KIAA0319: variants seen among roughly 807,000 people sequenced by gnomAD.
KIAA0319 encodes the protein dyslexia-associated protein KIAA0319.
KIAA0319 carries 83 observed loss-of-function variants against 108.4 expected under a neutral mutation model. The observed-to-expected ratio is 0.77, with a 90% confidence interval of 0.64 to 0.92. KIAA0319 has a LOEUF of 0.92. Ranked by LOEUF, KIAA0319 falls within the 40% of genes least tolerant of loss-of-function variation. The pLI is 0.00. For missense variants in KIAA0319, 1,195 were observed against 1,322.4 expected (o/e 0.90, Z 1.49); for synonymous variants, 484 against 510.4 (o/e 0.95, Z 0.70).
At chr6:24,636,608 T>C (rs2127594020) in intron 1 of KIAA0319, among the ~76,000 whole-genome samples, 1 of 152,212 alleles carries the variant, frequency 6.6e-6, no homozygotes, top group South Asian at 2.1e-4. Context: ...AAATCACTGA[T>C]ACTTTACAAA....
intron 16 of KIAA0319, 79 bp from the exon 17 acceptor site, chr6:24,559,234 C>G: frequency 6.7e-7 from 1 of 1,499,762 alleles, no homozygotes; most frequent in South Asian, 1.2e-5. Context: ...AGCATCTGAC[C>G]TGTGAAACTG....
chr6:24,610,196 G>A (rs1661555086), intron 1 of KIAA0319, among the ~76,000 whole-genome samples: 1 of 151,624 alleles, frequency 6.6e-6, no homozygotes, highest in South Asian at 2.1e-4. Context: ...ATCTAATAAG[G>A]GATTTGTATC....
In KIAA0319 at chr6:24,599,721, G is replaced by A. The variant is rs143891939; in HGVS notation, c.55+1328C>T. The stretch of plus-strand genomic sequence containing the variant: ...CAGCACCAACTCCTTCAGGGCCATG[G>A]TTGTGAAGAAGATCGAGATTTGTGA... On this transcript the variant is annotated intron_variant, in intron 2 of 20. Coordinates refer to ENST00000378214, the MANE Select transcript of KIAA0319 (RefSeq NM_014809.4). This position sits in a 1 kb window ranked among gnomAD's most constrained non-coding sequence, Gnocchi z 4.1. The A allele has an allele frequency of 1.7e-4, 98 of 575,590 alleles. No individual in the cohort carries two copies. In the East Asian group the frequency reaches 3.4e-3, roughly 20 times the overall value. 35.7% of individuals were successfully genotyped at this position (575,590 alleles called of 1,614,324 possible).
At chr6:24,555,996 A>C (rs1406685076) in intron 18 of KIAA0319, among the ~76,000 whole-genome samples, 1 of 152,238 alleles carries the variant, frequency 6.6e-6, no homozygotes, top group African/African-American at 2.4e-5. Context: ...TTTATGTAAA[A>C]GCCTAAACAC....
In KIAA0319 at chr6:24,596,245, A is replaced by G; in HGVS notation, c.429T>C (p.Phe143=). 1.9e-6 allele frequency: 3 copies of G among 1,614,202 alleles called. No individual in the cohort carries two copies. Among genetic ancestry groups the G allele is most frequent in the Non-Finnish European group, 2.5e-6 (3 of 1,180,038 alleles). ...CCTCTAGGCCCCAATCTTTGCCTAG[A>G]AAGGTCAAGTCCTTTCTGATATCCT... The part of the protein sequence containing the change: ...SPEDIRKDLT[F]LGKDWGLEEM... The change falls in exon 3 of 21, where the codon TTT becomes TTC. Residue 143 remains phenylalanine (F), a synonymous_variant. Transcript: ENST00000378214.
intron 10 of KIAA0319, among the ~76,000 whole-genome samples, chr6:24,575,064 G>A (rs1765267773): frequency 6.6e-6 from 1 of 152,240 alleles, no homozygotes; most frequent in Non-Finnish European, 1.5e-5. Flanking sequence ...GCCTCAGCAG[G>A]CTGCTTGGTA....
intron 16 of KIAA0319, among the ~76,000 whole-genome samples, chr6:24,560,788 A>G (rs1038618589): frequency 4.6e-5 from 7 of 152,202 alleles, no homozygotes; most frequent in African/African-American, 9.7e-5. Flanking sequence ...ATTGATTTAA[A>G]AGCCCACCCT....
chr6:24,612,884 C>T (rs572070127), intron 1 of KIAA0319, among the ~76,000 whole-genome samples: 7 of 152,098 alleles, frequency 4.6e-5, no homozygotes, highest in East Asian at 3.9e-4. Context: ...ATGCAAGCTC[C>T]GCCTCCCCGG....
In KIAA0319 at chr6:24,599,226, C is replaced by G; in HGVS notation, c.55+1823G>C. On this transcript the variant is annotated intron_variant, in intron 2 of 20. Transcript: ENST00000378214. The surrounding 1 kb of genome is among the most constrained non-coding windows in gnomAD (Gnocchi z 4.1). ...GGTCAAGTATGAGGAGCTGCAGGCA[C>G]TGGCTGGGAAGCACAGGGATGACCT... 5.9e-6 allele frequency: 3 copies of G among 510,876 alleles called. No individual in the cohort carries two copies. The highest frequency in any genetic ancestry group is 4.1e-5 in the South Asian group (2 of 48,884). The allele number at this position is 510,876 out of a possible 1,614,324, so 31.6% of individuals were successfully genotyped here. A position where few individuals can be genotyped will look rare whatever the true frequency, so the allele number is the denominator to read the frequency against.
At chr6:24,595,756 G>C in intron 3 of KIAA0319, 117 bp downstream of exon 3, 1 of 1,135,802 alleles carries the variant, frequency 8.8e-7, no homozygotes, top group Non-Finnish European at 1.2e-6. Context: ...GCCCTTAGGC[G>C]GAACCTCCTT....
intron 3 of KIAA0319, among the ~76,000 whole-genome samples, chr6:24,595,265 A>G (rs1394878037): frequency 2.0e-5 from 3 of 151,978 alleles, no homozygotes; most frequent in Admixed American, 1.3e-4. Context: ...TCGCTAGAGT[A>G]TCCAGGCGCG....
At chr6:24,602,147 G>A (rs1218208349) in intron 1 of KIAA0319, among the ~76,000 whole-genome samples, 3 of 151,990 alleles carry the variant, frequency 2.0e-5, no homozygotes, top group Non-Finnish European at 4.4e-5. Flanking sequence ...CCTCCAAGTA[G>A]GTGGGATTAC....
chr6:24,558,971 T>C, intron 17 of KIAA0319, 42 bp downstream of exon 17: 1 of 1,557,164 alleles, frequency 6.4e-7, no homozygotes, highest in Non-Finnish European at 8.7e-7. Context: ...TATCCATGAT[T>C]GGCAAGTCTG....
At chr6:24,620,380 A>G (rs971142211) in intron 1 of KIAA0319, among the ~76,000 whole-genome samples, 7 of 152,200 alleles carry the variant, frequency 4.6e-5, no homozygotes, top group African/African-American at 1.7e-4. Flanking sequence ...AGCTCACTGC[A>G]ACCTCCACCT....
At position 24,563,469 on chromosome 6, in the gene KIAA0319, C is replaced by A; in HGVS notation, c.2481G>T (p.Gly827=). Residue 827 remains glycine (G), a synonymous_variant, in exon 16 of 21, where the codon GGG becomes GGT. Coordinates refer to ENST00000378214, the MANE Select transcript of KIAA0319 (RefSeq NM_014809.4). Reference sequence around the variant, plus strand: ...TGTCCTTCCGCTGCTCTGTCAGCTGCCCAACACCAACCTGCAGGGTCAGCT... The same window carrying A: ...TGTCCTTCCGCTGCTCTGTCAGCTGACCAACACCAACCTGCAGGGTCAGCT... ...LVELTLQVGV[G]QLTEQRKDTL... The A allele has an allele frequency of 6.2e-7, 1 of 1,613,290 alleles. No individual in the cohort carries two copies. The highest frequency in any genetic ancestry group is 8.5e-7 in the Non-Finnish European group (1 of 1,179,892).
chr6:24,572,262 G>A (rs780314875), intron 11 of KIAA0319, among the ~76,000 whole-genome samples: 1 of 152,200 alleles, frequency 6.6e-6, no homozygotes, highest in Non-Finnish European at 1.5e-5. Context: ...CTACATCTGA[G>A]TGTCAAGCCA....
At chr6:24,617,021 G>T (rs1386022771) in intron 1 of KIAA0319, among the ~76,000 whole-genome samples, 10 of 152,066 alleles carry the variant, frequency 6.6e-5, no homozygotes, top group Admixed American at 6.6e-4. Flanking sequence ...ATGTTAAAGG[G>T]ATGGTCAAGT....
chr6:24,572,167 C>G (rs1764816376), intron 11 of KIAA0319, among the ~76,000 whole-genome samples: 1 of 152,206 alleles, frequency 6.6e-6, no homozygotes, highest in South Asian at 2.1e-4. Context: ...GGTTATTTAA[C>G]TCAGGAGGTA....
chr6:24,575,951 T>A (rs1197537669), intron 10 of KIAA0319, among the ~76,000 whole-genome samples: 1 of 152,036 alleles, frequency 6.6e-6, no homozygotes, highest in Non-Finnish European at 1.5e-5. Context: ...ACAAACAAGG[T>A]CCTAAAAAGC....
Sources: allele counts gnomAD v4.1 joint callset (sites outside exome capture counted in the v4.1 genomes callset), GRCh38; gene constraint gnomAD v4.1.1; non-coding constraint Gnocchi (gnomAD v3.1); transcripts MANE v1.5; gene names NCBI Gene and HGNC (gene_info 2026-07-23, HGNC 2026-07-21).